Variants in NUP98 observed in about 807,000 individuals in gnomAD.
NUP98 encodes nuclear pore complex protein Nup98-Nup96.
Under a neutral mutation model 191.9 loss-of-function variants are expected in NUP98, and 26 were observed. The observed-to-expected ratio is 0.14, with a 90% CI of 0.10 to 0.19. The LOEUF (loss-of-function observed/expected upper bound fraction) is 0.19, where lower values mean the gene tolerates loss of function less well. NUP98 is among the 10% of genes least tolerant of loss of function. The pLI is 1.00. For synonymous variants in NUP98, 808 were observed against 778.4 expected (o/e 1.04, Z -0.63); for missense variants, 1,941 against 2,178.8 (o/e 0.89, Z 2.17).
At chr11:3,781,051 T>C (rs1339453263) in intron 2 of NUP98, among the ~76,000 whole-genome samples, 1 of 151,744 alleles carries the variant, frequency 6.6e-6, no homozygotes, top group East Asian at 1.9e-4. Context: ...CCAGGCGTGG[T>C]GGTGTGCAAC....
intron 10 of NUP98, 96 bp downstream of exon 10, chr11:3,760,443 A>T: frequency 6.5e-7 from 1 of 1,544,042 alleles, no homozygotes; most frequent in Non-Finnish European, 9.0e-7. Context: ...CGTGTGGTAT[A>T]GTCAGTGTAA....
In NUP98 at chr11:3,790,388, G is replaced by A. The variant is rs942544629; in HGVS notation, c.-29+7012C>T. 1.1e-4 allele frequency among the ~76,000 whole-genome samples: 16 copies of A among 152,250 alleles called. No homozygotes were observed. In the East Asian group the frequency reaches 3.1e-3, roughly 29 times the overall value. On this transcript the variant is annotated intron_variant, in intron 1 of 32. Transcript: ENST00000324932. Reference sequence around the variant, plus strand: ...AGCTCTGCCCTATGAAGCAGCTTAGGGCTCTATGAACCAATGTGAAATATT... The same window carrying A: ...AGCTCTGCCCTATGAAGCAGCTTAGAGCTCTATGAACCAATGTGAAATATT...
chr11:3,790,960 A>G lies in NUP98; in HGVS notation c.-29+6440T>C, dbSNP rs572211500. Among the ~76,000 whole-genome samples the G allele has an allele frequency of 3.3e-5, 5 of 151,362 alleles. No homozygotes were observed. In the East Asian group the frequency reaches 9.8e-4, roughly 30 times the overall value. On this transcript the variant is annotated intron_variant, in intron 1 of 32. Coordinates refer to ENST00000324932, the MANE Select transcript of NUP98 (RefSeq NM_016320.5). Reference sequence around the variant, plus strand: ...GCCCAGGCTGGAGTGAAGTGACGCAATCTCGGCTGACTGCAAGCTCTGCCT... The same window carrying G: ...GCCCAGGCTGGAGTGAAGTGACGCAGTCTCGGCTGACTGCAAGCTCTGCCT...
chr11:3,715,058 C>T (rs978726914), intron 18 of NUP98, among the ~76,000 whole-genome samples: 2 of 152,172 alleles, frequency 1.3e-5, no homozygotes, highest in Non-Finnish European at 2.9e-5. Flanking sequence ...TTCCGGGAAC[C>T]ACCATACTGT....
intron 28 of NUP98, 150 bp from the exon 29 acceptor site, chr11:3,686,344 A>G (rs989163653): frequency 2.4e-5 from 16 of 678,880 alleles, no homozygotes; most frequent in African/African-American, 3.6e-5. Flanking sequence ...TGTTTTATCA[A>G]TCTATCTCTG....
chr11:3,744,969 T>C (rs993457314), intron 11 of NUP98, among the ~76,000 whole-genome samples: 5 of 152,316 alleles, frequency 3.3e-5, no homozygotes, highest in Middle Eastern at 3.4e-3. Flanking sequence ...GGGAACATAC[T>C]ACATGCTCAT....
intron 22 of NUP98, among the ~76,000 whole-genome samples, chr11:3,703,609 T>G (rs905080736): frequency 1.3e-5 from 2 of 152,144 alleles, no homozygotes; most frequent in African/African-American, 4.8e-5. Flanking sequence ...ATCTACAAAG[T>G]GACAGGACCA....
At position 3,770,113 on chromosome 11, in the gene NUP98, G is replaced by A. The variant is rs143091683; in HGVS notation, c.785-1369C>T. On this transcript the variant is annotated intron_variant, in intron 7 of 32. Coordinates refer to ENST00000324932, the MANE Select transcript of NUP98 (RefSeq NM_016320.5). ...TAATCCCAGCGCTTTGGGAGGCCGA[G>A]GCTGGTTAATCGCCTGAGGTCAGGG... 2.2e-3 allele frequency among the ~76,000 whole-genome samples: 328 copies of A among 151,390 alleles called. 2 individuals are homozygous for A. Among genetic ancestry groups the A allele is most frequent in the African/African-American group, 7.5e-3 (308 of 41,256 alleles).
At position 3,683,409 on chromosome 11, in the gene NUP98, G is replaced by C; in HGVS notation, c.4709C>G (p.Thr1570Ser). ...IREKAVRELL[T>S]RHCQLLETPE... is the part of the protein sequence containing the mutation. ...GGTCTCCAACAGCTGGCAGTGCCGG[G>C]TAAGCAGCTCTCGAACAGCCTTCTC... The change falls in exon 30 of 33, where the codon ACC (threonine) becomes AGC (serine). Residue 1570 changes from threonine (T) to serine (S), a missense_variant. Transcript: ENST00000324932. The C allele has an allele frequency of 1.2e-6, 2 of 1,614,146 alleles. No individual in the cohort carries two copies. Among genetic ancestry groups the C allele is most frequent in the Non-Finnish European group, 8.5e-7 (1 of 1,180,028 alleles).
At chr11:3,695,664 C>T in intron 25 of NUP98, 58 bp from the exon 26 acceptor site, 1 of 1,177,622 alleles carries the variant, frequency 8.5e-7, no homozygotes, top group East Asian at 2.8e-5. Context: ...CTTCGTCAAA[C>T]ACTTGGGGGC....
At chr11:3,678,996 C>G (rs1190837570) in intron 31 of NUP98, among the ~76,000 whole-genome samples, 1 of 151,828 alleles carries the variant, frequency 6.6e-6, no homozygotes. Flanking sequence ...GTGGCACACA[C>G]CCTATACTCC....
At chr11:3,742,053 T>C (rs2080302788) in intron 12 of NUP98, among the ~76,000 whole-genome samples, 1 of 152,232 alleles carries the variant, frequency 6.6e-6, no homozygotes, top group Non-Finnish European at 1.5e-5. Flanking sequence ...CTGAGCAGAC[T>C]TGACGAGAAT....
chr11:3,708,639 C>A (rs921843176), intron 20 of NUP98, among the ~76,000 whole-genome samples: 5 of 151,232 alleles, frequency 3.3e-5, no homozygotes, highest in African/African-American at 1.2e-4. Context: ...ACATACTCCC[C>A]AAAGCTGTCT....
At chr11:3,723,095 C>A in intron 16 of NUP98, 62 bp downstream of exon 16, 1 of 1,497,066 alleles carries the variant, frequency 6.7e-7, no homozygotes. Context: ...TGAATATCTG[C>A]AACAAGCAAG....
rs112424994 is a variant in NUP98, at chr11:3,698,886, C to T, written c.4009+196G>A. 1.7e-3 allele frequency: 1,039 copies of T among 626,306 alleles called. 4 individuals carry two copies. In the African/African-American group the frequency reaches 0.017, roughly 10 times the overall value. The allele number at this position is 626,306 out of a possible 1,614,324, so 38.8% of individuals were successfully genotyped here. A position where few individuals can be genotyped will look rare whatever the true frequency, so the allele number is the denominator to read the frequency against. ...CTAATTCTCTGTTTAGGACCTTAAA[C>T]ATTGTTTACTTGATTAAAAGTTAAA... is the stretch of plus-strand genomic sequence containing the variant. On this transcript the variant is annotated intron_variant, in intron 25 of 32. Coordinates refer to ENST00000324932, the MANE Select transcript of NUP98 (RefSeq NM_016320.5).
At chr11:3,698,761 C>T (rs1468151307) in intron 25 of NUP98, among the ~76,000 whole-genome samples, 2 of 141,406 alleles carry the variant, frequency 1.4e-5, no homozygotes, top group African/African-American at 5.5e-5. Context: ...AGTCATGGTT[C>T]CTATTCTATA....
intron 28 of NUP98, among the ~76,000 whole-genome samples, chr11:3,687,032 C>A (rs1314726099): frequency 2.6e-5 from 4 of 152,002 alleles, no homozygotes. Flanking sequence ...TGGGCTCATG[C>A]GATCCTCTCA....
At chr11:3,724,918 A>G (rs948804849) in intron 15 of NUP98, among the ~76,000 whole-genome samples, 185 bp downstream of exon 15, 38 of 152,192 alleles carry the variant, frequency 2.5e-4, no homozygotes, top group African/African-American at 8.7e-4. Context: ...CAGAACTCCA[A>G]TAATTTTAAG....
chr11:3,779,229 C>T lies in NUP98; in HGVS notation c.105G>A (p.Gly35=), dbSNP rs1347978823. ...QNTGFGTTSG[G]AFGTSAFGSS... is the part of the protein sequence containing the mutation. ...AACCAAATGCAGATGTTCCAAATGC[C>T]CCTCCACTAGTAGTGCCAAAGCCAG... is the stretch of plus-strand genomic sequence containing the variant. The change falls in exon 3 of 33, where the codon GGG becomes GGA. Residue 35 remains glycine, a synonymous_variant. Coordinates refer to ENST00000324932, the MANE Select transcript of NUP98 (RefSeq NM_016320.5). 2 of 1,613,940 alleles carry T rather than the reference C, an allele frequency of 1.2e-6. No individual in the cohort carries two copies. The highest frequency in any genetic ancestry group is 4.5e-5 in the East Asian group (2 of 44,894).
Sources: gnomAD v4.1 joint callset for allele counts (sites outside exome capture counted in the v4.1 genomes callset) on GRCh38, gnomAD v4.1.1 for gene constraint, MANE v1.5 for transcripts, NCBI Gene and HGNC (gene_info 2026-07-23, HGNC 2026-07-21) for gene names.